The following GBE1 variants were observed in gnomAD, a reference collection of about 807,000 sequenced individuals.
GBE1 encodes the protein 1,4-alpha-glucan branching enzyme 1.
A neutral mutation model predicts 88.8 loss-of-function variants in GBE1; 70 were observed. The ratio of observed to expected loss-of-function variants is 0.79; its 90% CI spans 0.65 to 0.96. The LOEUF is 0.96. Ranked by LOEUF, GBE1 falls within the 40% of genes least tolerant of loss-of-function variation. The pLI is 0.00. For missense variants in GBE1, 872 were observed against 871.0 expected (o/e 1.00, Z -0.01); for synonymous variants, 284 against 300.1 (o/e 0.95, Z 0.56).
At position 81,489,839 on chromosome 3, in the gene GBE1, A is replaced by G. The variant is rs1048378131; in HGVS notation, c.*568T>C. On this transcript the variant is annotated 3_prime_UTR_variant, in exon 16 of 16. Coordinates refer to ENST00000429644, the MANE Select transcript of GBE1 (RefSeq NM_000158.4). ...TGGACAAGAGATCACAAAATAAAAC[A>G]CAAAATGAGACACGGATGAGTTCAT... The G allele has an allele frequency of 3.3e-5, 5 of 152,206 alleles. No homozygotes were observed. Among genetic ancestry groups the G allele is most frequent in the African/African-American group, 1.2e-4 (5 of 41,450 alleles). 9.4% of individuals were successfully genotyped at this position (152,206 alleles called of 1,614,324 possible).
At chr3:81,675,799 G>A (rs867390096) in intron 2 of GBE1, among the ~76,000 whole-genome samples, 3 of 151,814 alleles carry the variant, frequency 2.0e-5, no homozygotes, top group Admixed American at 6.6e-5. Context: ...TTTCCTATAC[G>A]CATAAATTAT....
intron 1 of GBE1, among the ~76,000 whole-genome samples, chr3:81,706,390 G>A (rs896735432): frequency 6.6e-6 from 1 of 152,108 alleles, no homozygotes; most frequent in Non-Finnish European, 1.5e-5. Context: ...TCAGGTACTG[G>A]TACACCAAAA....
In GBE1 at chr3:81,649,872, C is replaced by G; in HGVS notation, c.479G>C (p.Trp160Ser). 6.2e-7 allele frequency: 1 copy of G among 1,610,692 alleles called. No homozygotes were observed. The highest frequency in any genetic ancestry group is 8.5e-7 in the Non-Finnish European group (1 of 1,177,464). Reference protein sequence around the residue: ...SGEILYRISPWAKYVVREGDN... With the variant: ...SGEILYRISPSAKYVVREGDN... The stretch of plus-strand genomic sequence containing the variant: ...ACCTTCACGAACCACATACTTTGCC[C>G]ACGGTGAAATACGATACAAGATCTC... Residue 160 changes from tryptophan to serine, a missense_variant, in exon 4 of 16, where the codon TGG becomes TCG. Coordinates refer to ENST00000429644, the MANE Select transcript of GBE1 (RefSeq NM_000158.4).
At chr3:81,633,157 T>C (rs1704541115) in intron 7 of GBE1, among the ~76,000 whole-genome samples, 1 of 152,156 alleles carries the variant, frequency 6.6e-6, no homozygotes, top group South Asian at 2.1e-4. Context: ...TTTCAATGCT[T>C]GTAGTTATGT....
chr3:81,526,377 C>T (rs1200078902), intron 14 of GBE1, among the ~76,000 whole-genome samples: 1 of 152,014 alleles, frequency 6.6e-6, no homozygotes, highest in Non-Finnish European at 1.5e-5. Context: ...CCAGGGCAAT[C>T]AGGCAGGAGA....
chr3:81,515,146 C>T (rs1296489601), intron 14 of GBE1, among the ~76,000 whole-genome samples: 1 of 151,576 alleles, frequency 6.6e-6, no homozygotes, highest in Admixed American at 6.6e-5. Context: ...TACAAATACA[C>T]ATTTTTACAA....
intron 12 of GBE1, among the ~76,000 whole-genome samples, chr3:81,554,971 C>T (rs1011699917): frequency 6.6e-6 from 1 of 152,164 alleles, no homozygotes; most frequent in African/African-American, 2.4e-5. Context: ...AGCTAGTTAG[C>T]CTTGTCTGCT....
chr3:81,705,487 T>C lies in GBE1; in HGVS notation c.270A>G (p.Glu90=), dbSNP rs1576206589. 6.2e-7 allele frequency: 1 copy of C among 1,602,602 alleles called. No individual in the cohort carries two copies. Residue 90 remains glutamate (E), a synonymous_variant, in exon 2 of 16, where the codon GAA becomes GAG. Coordinates refer to ENST00000429644, the MANE Select transcript of GBE1 (RefSeq NM_000158.4). ...RCADGGLYCK[E]WAPGAEGVFL... ...AAACTCCTTCTGCTCCCGGGGCCCA[T>C]TCTTTGCAGTATAAACCACCATCAG...
chr3:81,698,781 G>A (rs1020634014), intron 2 of GBE1, among the ~76,000 whole-genome samples: 8 of 152,084 alleles, frequency 5.3e-5, no homozygotes, highest in Admixed American at 3.3e-4. Context: ...ATCAGTCAGC[G>A]GCATTTACAA....
intron 7 of GBE1, chr3:81,612,268 A>T (rs574732895): frequency 3.3e-6 from 2 of 614,894 alleles, no homozygotes; most frequent in African/African-American, 2.0e-5. Flanking sequence ...CTGGTTCCTC[A>T]TGTTGCCTCT....
intron 7 of GBE1, among the ~76,000 whole-genome samples, chr3:81,629,297 CG>C (rs1488963575): frequency 6.7e-6 from 1 of 148,198 alleles, no homozygotes; most frequent in East Asian, 2.0e-4. Context: ...TTTGTTCTTG[CG>C]ATAGTTTCCT....
intron 1 of GBE1, among the ~76,000 whole-genome samples, chr3:81,741,664 T>G (rs1706350076): frequency 6.6e-6 from 1 of 151,744 alleles, no homozygotes; most frequent in Admixed American, 6.6e-5. Context: ...ATAAAAGCCA[T>G]GCATACATCA....
intron 12 of GBE1, among the ~76,000 whole-genome samples, chr3:81,576,743 G>C (rs781763706): frequency 2.0e-5 from 3 of 150,812 alleles, no homozygotes; most frequent in Non-Finnish European, 2.9e-5. Context: ...TCACTTCCTG[G>C]AAGGCTAGGG....
rs1057184576 is a variant in GBE1 at position 81,535,338 on chromosome 3, G to A, written c.1804-13C>T. 3.8e-6 allele frequency: 6 copies of A among 1,591,576 alleles called. No individual in the cohort carries two copies. The highest frequency in any genetic ancestry group is 1.4e-5 in the African/African-American group (1 of 73,708). On this transcript the variant is annotated splice_polypyrimidine_tract_variant and intron_variant, in intron 13 of 15. Transcript: ENST00000429644. ...CACTCACGTAGGCCTGCAAGAATTA[G>A]CACACATGTTACATTTAAATAATAC... is the stretch of plus-strand genomic sequence containing the variant.
chr3:81,586,744 T>C (rs921844272), intron 9 of GBE1, among the ~76,000 whole-genome samples: 3 of 151,930 alleles, frequency 2.0e-5, no homozygotes, highest in South Asian at 2.1e-4. Context: ...TTAGCAGATA[T>C]AGAAACAGAG....
At chr3:81,698,797 T>G (rs967254236) in intron 2 of GBE1, among the ~76,000 whole-genome samples, 2 of 152,132 alleles carry the variant, frequency 1.3e-5, no homozygotes, top group African/African-American at 4.8e-5. Flanking sequence ...TACAATGAAA[T>G]CTGTTAAGCA....
intron 7 of GBE1, among the ~76,000 whole-genome samples, chr3:81,619,144 CT>C (rs1423784802): frequency 6.7e-6 from 1 of 150,010 alleles, no homozygotes; most frequent in Non-Finnish European, 1.5e-5. Context: ...GCATTTGTCT[CT>C]GCCCTATAAA....
At chr3:81,724,022 C>T (rs948810266) in intron 1 of GBE1, among the ~76,000 whole-genome samples, 3 of 152,142 alleles carry the variant, frequency 2.0e-5, no homozygotes, top group African/African-American at 7.2e-5. Context: ...CAAATTCCCT[C>T]CCTTTAACTT....
chr3:81,640,355 T>G (rs1456520175), intron 7 of GBE1, among the ~76,000 whole-genome samples: 1 of 152,030 alleles, frequency 6.6e-6, no homozygotes, highest in African/African-American at 2.4e-5. Context: ...TAGACTAGCT[T>G]AGTCTTCCAG....
Sources: allele counts gnomAD v4.1 joint callset (sites outside exome capture counted in the v4.1 genomes callset), GRCh38; gene constraint gnomAD v4.1.1; transcripts MANE v1.5; gene names NCBI Gene and HGNC (gene_info 2026-07-23, HGNC 2026-07-21).